KCNS2: variants seen among roughly 807,000 people sequenced by gnomAD.
The protein encoded by KCNS2 is potassium voltage-gated channel modifier subfamily S member 2, also known as delayed-rectifier potassium channel regulatory subunit KCNS2.
A neutral mutation model predicts 28.3 loss-of-function variants in KCNS2; 15 were observed. The observed-to-expected ratio is 0.53, with a 90% CI of 0.35 to 0.82. The LOEUF (loss-of-function observed/expected upper bound fraction) is 0.82. Among genes scored for constraint, KCNS2 ranks in the 40% least tolerant of loss-of-function variants. KCNS2 has a pLI of 0.01. For missense variants in KCNS2, 501 were observed against 617.1 expected (o/e 0.81, Z 1.99); for synonymous variants, 254 against 256.7 (o/e 0.99, Z 0.10).
In KCNS2 at chr8:98,427,942, A is replaced by G. The variant is rs1376097204; in HGVS notation, c.-38A>G. 2 of 1,446,576 alleles carry G rather than the reference A, an allele frequency of 1.4e-6. No homozygotes were observed. Among genetic ancestry groups the G allele is most frequent in the Non-Finnish European group, 1.8e-6 (2 of 1,084,936 alleles). The allele number at this position is 1,446,576 out of a possible 1,614,324, so 89.6% of individuals were successfully genotyped here. On this transcript the variant is annotated 5_prime_UTR_variant, in exon 2 of 2. It removes the in-frame stop codon of an upstream open reading frame in the 5' UTR. Coordinates refer to ENST00000287042, the MANE Select transcript of KCNS2 (RefSeq NM_020697.4). ...CGCTGTTCCCTCCGCTTCCAGGTGT[A>G]GCGCCCCCGCGCGGCGCGGGCGGCC...
Position 98,427,728 on chromosome 8 carries a change from G to C in KCNS2, c.-42-210G>C, listed in dbSNP as rs547946224. 2,173 of 353,910 alleles carry C rather than the reference G, an allele frequency of 6.1e-3. 9 individuals carry two copies. Among genetic ancestry groups the C allele is most frequent in the Non-Finnish European group, 8.7e-3 (1,714 of 195,946 alleles). The allele number at this position is 353,910 out of a possible 1,614,324, so 21.9% of individuals were successfully genotyped here. ...ACCCCGCACGCGCAAAGCGCCCACCGAGACCCCTGGGGTGGAGCTGTGCTA... is the reference window on the plus strand; with the variant it reads ...ACCCCGCACGCGCAAAGCGCCCACCCAGACCCCTGGGGTGGAGCTGTGCTA... On this transcript the variant is annotated intron_variant, in intron 1 of 1. Coordinates refer to ENST00000287042, the MANE Select transcript of KCNS2 (RefSeq NM_020697.4).
At position 98,428,447 on chromosome 8, in the gene KCNS2, C is replaced by T. The variant is rs199526084; in HGVS notation, c.468C>T (p.Asn156=). Residue 156 remains asparagine, a synonymous_variant, in exon 2 of 2, where the codon AAC becomes AAT. Transcript: ENST00000287042. The surrounding 1 kb of genome is among the most constrained non-coding windows in gnomAD (Gnocchi z 6.7). ...TCGATGAGATCCTTGCCTTCTACAA[C>T]GACGCCTCCAAGTTCGATGGGCAGC... ...SSFDEILAFY[N]DASKFDGQPL... is the part of the protein sequence containing the mutation. The T allele has an allele frequency of 7.4e-6, 12 of 1,614,114 alleles. No homozygotes were observed. Among genetic ancestry groups the T allele is most frequent in the African/African-American group, 2.7e-5 (2 of 75,048 alleles).
rs917570715 is a variant in KCNS2, at chr8:98,428,671, A to G, written c.692A>G (p.Glu231Gly). The change falls in exon 2 of 2, where the codon GAG (glutamate) becomes GGG (glycine). Residue 231 changes from glutamate to glycine, a missense_variant. Glu to Gly is a moderately conservative substitution (Grantham distance 98). Coordinates refer to ENST00000287042, the MANE Select transcript of KCNS2 (RefSeq NM_020697.4). The surrounding 1 kb of genome is among the most constrained non-coding windows in gnomAD (Gnocchi z 6.7). ...PGEDPRFEIV[E>G]HFGIAWFTFE... is the part of the protein sequence containing the mutation. Reference sequence around the variant, plus strand: ...GAGGACCCTAGGTTCGAAATCGTGGAGCACTTTGGCATTGCCTGGTTCACA... The same window carrying G: ...GAGGACCCTAGGTTCGAAATCGTGGGGCACTTTGGCATTGCCTGGTTCACA... 1 of 1,614,084 alleles carries G rather than the reference A, an allele frequency of 6.2e-7. No homozygotes were observed. Among genetic ancestry groups the G allele is most frequent in the Non-Finnish European group, 8.5e-7 (1 of 1,180,046 alleles).
chr8:98,428,880 C>T lies in KCNS2; in HGVS notation c.901C>T (p.Arg301Trp). 6.2e-7 allele frequency: 1 copy of T among 1,614,150 alleles called. No homozygotes were observed. The highest frequency in any genetic ancestry group is 8.5e-7 in the Non-Finnish European group (1 of 1,180,028). Residue 301 changes from arginine to tryptophan, a missense_variant, in exon 2 of 2, where the codon CGG becomes TGG. Coordinates refer to ENST00000287042, the MANE Select transcript of KCNS2 (RefSeq NM_020697.4). The surrounding 1 kb of genome is among the most constrained non-coding windows in gnomAD (Gnocchi z 6.7). Reference protein sequence around the residue: ...GRVAQVLRLMRIFRILKLARH... With the variant: ...GRVAQVLRLMWIFRILKLARH... ...GGTGGCCCAGGTCCTGAGGCTGATG[C>T]GGATCTTCCGCATCTTAAAGCTGGC...
chr8:98,427,809 CT>C, intron 1 of KCNS2, 128 bp from the exon 2 acceptor site: 1 of 598,650 alleles, frequency 1.7e-6, no homozygotes. Context: ...CCCTCAAACT[CT>C]TGCCCCAGCC....
At position 98,427,125 on chromosome 8, in the gene KCNS2, G is replaced by A. The variant is rs1173581090; in HGVS notation, c.-247G>A. 1 of 150,394 alleles carries A rather than the reference G, an allele frequency of 6.6e-6. No individual in the cohort carries two copies. The highest frequency in any genetic ancestry group is 6.6e-5 in the Admixed American group (1 of 15,124). 9.3% of individuals were successfully genotyped at this position (150,394 alleles called of 1,614,324 possible). ...GCGGCGGGACCACGCAGCCACCTGTGAGCCTTCGGCAGCTGCGGGCGGCGG... is the reference window on the plus strand; with the variant it reads ...GCGGCGGGACCACGCAGCCACCTGTAAGCCTTCGGCAGCTGCGGGCGGCGG... On this transcript the variant is annotated 5_prime_UTR_variant, in exon 1 of 2. Transcript: ENST00000287042.
Position 98,427,317 on chromosome 8 carries a change from C to T in KCNS2, c.-55C>T, listed in dbSNP as rs1195324240. 6.6e-6 allele frequency: 1 copy of T among 151,640 alleles called. No individual in the cohort carries two copies. The highest frequency in any genetic ancestry group is 2.0e-4 in the East Asian group (1 of 5,086). The allele number at this position is 151,640 out of a possible 1,614,324, so 9.4% of individuals were successfully genotyped here. ...TTCCCGCCGGCCTCGGCCGCGGGCA[C>T]CCGTGCTCCCAGGTAAGCGCTTCCA... On this transcript the variant is annotated 5_prime_UTR_variant, in exon 1 of 2. Coordinates refer to ENST00000287042, the MANE Select transcript of KCNS2 (RefSeq NM_020697.4).
rs1818316506 is a variant in KCNS2 at position 98,430,885 on chromosome 8, T to C, written c.*1472T>C. The C allele has an allele frequency of 6.0e-6, 1 of 167,120 alleles. No individual in the cohort carries two copies. The highest frequency in any genetic ancestry group is 1.5e-5 in the Non-Finnish European group (1 of 68,128). The allele number at this position is 167,120 out of a possible 1,614,324, so 10.4% of individuals were successfully genotyped here. A position where few individuals can be genotyped will look rare whatever the true frequency, so the allele number is the denominator to read the frequency against. On this transcript the variant is annotated 3_prime_UTR_variant, in exon 2 of 2. Transcript: ENST00000287042. ...ACTTGTATTGAAGGGAGACGACTGT[T>C]TCCTCCTCCAAAATGCTCCTGCTCC...
At position 98,432,775 on chromosome 8, in the gene KCNS2, G is replaced by T. The variant is rs1818355166; in HGVS notation, c.*3362G>T. ...CAGAGCTGTAATTTTTAAAATTGAG[G>T]ATGCCATATTTGAGATGTCAGTTTT... On this transcript the variant is annotated 3_prime_UTR_variant, in exon 2 of 2. Coordinates refer to ENST00000287042, the MANE Select transcript of KCNS2 (RefSeq NM_020697.4). The T allele has an allele frequency of 6.0e-6, 1 of 166,928 alleles. No homozygotes were observed. Among genetic ancestry groups the T allele is most frequent in the Non-Finnish European group, 1.5e-5 (1 of 68,116 alleles). The allele number at this position is 166,928 out of a possible 1,614,324, so 10.3% of individuals were successfully genotyped here. A position where few individuals can be genotyped will look rare whatever the true frequency, so the allele number is the denominator to read the frequency against.
rs894124156 is a variant in KCNS2, at chr8:98,428,875, T to C, written c.896T>C (p.Leu299Pro). The C allele has an allele frequency of 2.5e-6, 4 of 1,614,214 alleles. No individual in the cohort carries two copies. Among genetic ancestry groups the C allele is most frequent in the Non-Finnish European group, 3.4e-6 (4 of 1,180,042 alleles). Reference sequence around the variant, plus strand: ...GGCAGGGTGGCCCAGGTCCTGAGGCTGATGCGGATCTTCCGCATCTTAAAG... The same window carrying C: ...GGCAGGGTGGCCCAGGTCCTGAGGCCGATGCGGATCTTCCGCATCTTAAAG... Reference protein sequence around the residue: ...NLGRVAQVLRLMRIFRILKLA... With the variant: ...NLGRVAQVLRPMRIFRILKLA... Residue 299 changes from leucine (L) to proline (P), a missense_variant, in exon 2 of 2, where the codon CTG becomes CCG. Transcript: ENST00000287042. This position sits in a 1 kb window ranked among gnomAD's most constrained non-coding sequence, Gnocchi z 6.7.
rs781775868 is a variant in KCNS2 at position 98,428,055 on chromosome 8, T to C, written c.76T>C (p.Phe26Leu). The C allele has an allele frequency of 1.2e-6, 2 of 1,612,686 alleles. No individual in the cohort carries two copies. Among genetic ancestry groups the C allele is most frequent in the South Asian group, 1.1e-5 (1 of 90,972 alleles). Residue 26 changes from phenylalanine (F) to leucine (L), a missense_variant, in exon 2 of 2, where the codon TTC becomes CTC. Transcript: ENST00000287042. This position sits in a 1 kb window ranked among gnomAD's most constrained non-coding sequence, Gnocchi z 6.7. The stretch of plus-strand genomic sequence containing the variant: ...GGAGATCCGCATCAATGTGGGCGGC[T>C]TCAAGAGGAGGCTGCGCTCGCACAC... ...DGEIRINVGG[F>L]KRRLRSHTLL...
chr8:98,429,476 C>A lies in KCNS2; in HGVS notation c.*63C>A, dbSNP rs767058367. The A allele has an allele frequency of 2.5e-6, 3 of 1,178,088 alleles. No individual in the cohort carries two copies. The highest frequency in any genetic ancestry group is 3.7e-6 in the Non-Finnish European group (3 of 807,904). The allele number at this position is 1,178,088 out of a possible 1,614,324, so 73.0% of individuals were successfully genotyped here. ...GCTGCCTCTTGTGCCTCTGGCACAG[C>A]CCAGGCACCTTATGGTTATGGTGTA... On this transcript the variant is annotated 3_prime_UTR_variant, in exon 2 of 2. Transcript: ENST00000287042.
At position 98,429,340 on chromosome 8, in the gene KCNS2, C is replaced by T; in HGVS notation, c.1361C>T (p.Ser454Phe). 6.2e-7 allele frequency: 1 copy of T among 1,614,122 alleles called. No individual in the cohort carries two copies. ...LRDYYAHKVK[S>F]LMASLTNMSR... is the part of the protein sequence containing the mutation. Reference sequence around the variant, plus strand: ...GACTATTATGCCCATAAAGTTAAATCCCTTATGGCAAGCCTGACGAACATG... The same window carrying T: ...GACTATTATGCCCATAAAGTTAAATTCCTTATGGCAAGCCTGACGAACATG... Residue 454 changes from serine (S) to phenylalanine (F), a missense_variant, in exon 2 of 2, where the codon TCC becomes TTC. Transcript: ENST00000287042.
chr8:98,427,866 G>A (rs1818260467), intron 1 of KCNS2, 72 bp from the exon 2 acceptor site: 1 of 851,190 alleles, frequency 1.2e-6, no homozygotes, highest in Admixed American at 2.9e-5. Context: ...GGGCCCGCCA[G>A]TAATGGGTAG....
In KCNS2 at chr8:98,430,101, A is replaced by C. The variant is rs970964495; in HGVS notation, c.*688A>C. The C allele has an allele frequency of 1.8e-5, 3 of 167,010 alleles. No homozygotes were observed. Among genetic ancestry groups the C allele is most frequent in the Admixed American group, 1.3e-4 (2 of 15,278 alleles). The allele number at this position is 167,010 out of a possible 1,614,324, so 10.3% of individuals were successfully genotyped here. A position where few individuals can be genotyped will look rare whatever the true frequency, so the allele number is the denominator to read the frequency against. ...TGTCACTCTTTAGAGAATGTTACTT[A>C]GTTAAACATGCAGTGAAGATCGAAT... On this transcript the variant is annotated 3_prime_UTR_variant, in exon 2 of 2. Coordinates refer to ENST00000287042, the MANE Select transcript of KCNS2 (RefSeq NM_020697.4).
In KCNS2 at chr8:98,432,099, C is replaced by T. The variant is rs1818342586; in HGVS notation, c.*2686C>T. The T allele has an allele frequency of 6.0e-6, 1 of 166,948 alleles. No homozygotes were observed. Among genetic ancestry groups the T allele is most frequent in the African/African-American group, 2.4e-5 (1 of 41,436 alleles). 10.3% of individuals were successfully genotyped at this position (166,948 alleles called of 1,614,324 possible). On this transcript the variant is annotated 3_prime_UTR_variant, in exon 2 of 2. Transcript: ENST00000287042. ...AGGTTTGAAGTTTACAGGTGCTCTCCACTGGGTCTTTGATCGACCTTGCTA... is the reference window on the plus strand; with the variant it reads ...AGGTTTGAAGTTTACAGGTGCTCTCTACTGGGTCTTTGATCGACCTTGCTA...
At position 98,430,731 on chromosome 8, in the gene KCNS2, G is replaced by T. The variant is rs892616290; in HGVS notation, c.*1318G>T. ...CTTGCATTCCCACTGCCTTTCATGGGGGGTGACTGGGTAGAGGCCAGGAGA... is the reference window on the plus strand; with the variant it reads ...CTTGCATTCCCACTGCCTTTCATGGTGGGTGACTGGGTAGAGGCCAGGAGA... On this transcript the variant is annotated 3_prime_UTR_variant, in exon 2 of 2. Coordinates refer to ENST00000287042, the MANE Select transcript of KCNS2 (RefSeq NM_020697.4). The T allele has an allele frequency of 6.0e-6, 1 of 167,052 alleles. No individual in the cohort carries two copies. The highest frequency in any genetic ancestry group is 1.5e-5 in the Non-Finnish European group (1 of 68,120). The allele number at this position is 167,052 out of a possible 1,614,324, so 10.3% of individuals were successfully genotyped here.
chr8:98,429,199 C>T lies in KCNS2; in HGVS notation c.1220C>T (p.Thr407Ile). The change falls in exon 2 of 2, where the codon ACC (threonine) becomes ATC (isoleucine). Residue 407 changes from threonine (T) to isoleucine (I), a missense_variant. Physicochemically the swap from Thr to Ile is moderately conservative, Grantham distance 89. Transcript: ENST00000287042. The stretch of plus-strand genomic sequence containing the variant: ...ATCCTCGTGGTGGTCCTGCCCATCA[C>T]CTTGATCTTCAATAAGTTCTCCCAC... ...AGILVVVLPI[T>I]LIFNKFSHFY... 6.2e-7 allele frequency: 1 copy of T among 1,614,032 alleles called. No homozygotes were observed.
Position 98,428,622 on chromosome 8 carries a change from C to G in KCNS2, c.643C>G (p.Pro215Ala). 6.2e-7 allele frequency: 1 copy of G among 1,614,176 alleles called. No homozygotes were observed. Among genetic ancestry groups the G allele is most frequent in the Non-Finnish European group, 8.5e-7 (1 of 1,180,030 alleles). The change falls in exon 2 of 2, where the codon CCT becomes GCT. Residue 215 changes from proline to alanine, a missense_variant. Transcript: ENST00000287042. The surrounding 1 kb of genome is among the most constrained non-coding windows in gnomAD (Gnocchi z 6.7). Reference protein sequence around the residue: ...CLNSLPDFQIPDSQGNPGEDP... With the variant: ...CLNSLPDFQIADSQGNPGEDP... ...CAATAGCCTGCCCGATTTCCAAATCCCTGACAGCCAGGGCAACCCTGGCGA... is the reference window on the plus strand; with the variant it reads ...CAATAGCCTGCCCGATTTCCAAATCGCTGACAGCCAGGGCAACCCTGGCGA...
Sources: gnomAD v4.1 joint callset for allele counts on GRCh38, gnomAD v4.1.1 for gene constraint, Gnocchi (gnomAD v3.1) non-coding constraint, MANE v1.5 for transcripts, NCBI Gene and HGNC (gene_info 2026-07-23, HGNC 2026-07-21) for gene names.